PHF21A: variants seen among roughly 807,000 people sequenced by gnomAD.
PHF21A encodes BHC80a.
A neutral mutation model predicts 82.5 loss-of-function variants in PHF21A; 11 were observed. That is an observed-to-expected ratio of 0.13 (90% confidence interval 0.08 to 0.22). PHF21A has a LOEUF of 0.22. Ranked by LOEUF, PHF21A falls within the 10% of genes least tolerant of loss-of-function variation. The pLI is 1.00. For missense variants in PHF21A, 579 were observed against 837.8 expected (o/e 0.69, Z 3.81); for synonymous variants, 297 against 302.8 (o/e 0.98, Z 0.20).
rs1052047576 is a variant in PHF21A, at chr11:45,932,707, T to C, written c.*1261A>G. 1 of 152,602 alleles carries C rather than the reference T, an allele frequency of 6.6e-6. No homozygotes were observed. The highest frequency in any genetic ancestry group is 2.4e-5 in the African/African-American group (1 of 41,438). The allele number at this position is 152,602 out of a possible 1,614,324, so 9.5% of individuals were successfully genotyped here. On this transcript the variant is annotated 3_prime_UTR_variant, in exon 19 of 19. Transcript: ENST00000676320. This position sits in a 1 kb window ranked among gnomAD's most constrained non-coding sequence, Gnocchi z 4.3. Reference sequence around the variant, plus strand: ...CCTCAATATCTTTTATTTTCCTTTTTAATTTAAAAAAAAGTTTTTTTTCCC... The same window carrying C: ...CCTCAATATCTTTTATTTTCCTTTTCAATTTAAAAAAAAGTTTTTTTTCCC...
At chr11:46,073,314 C>T (rs919066801) in intron 6 of PHF21A, among the ~76,000 whole-genome samples, 3 of 148,014 alleles carry the variant, frequency 2.0e-5, no homozygotes, top group African/African-American at 5.0e-5. Flanking sequence ...GGCAACAAAG[C>T]GAGACCCCGT....
rs377373121 is a variant in PHF21A at position 46,018,025 on chromosome 11, C to T, written c.154-38059G>A. Among the ~76,000 whole-genome samples the T allele has an allele frequency of 8.6e-5, 13 of 151,920 alleles. No homozygotes were observed. The East Asian group carries it at 2.5e-3, about 29-fold the overall frequency. ...CAGCACTTTGGGAGGCCGAGGCGGGCGGATCACGAGGTCAGGAGATCGAGA... is the reference window on the plus strand; with the variant it reads ...CAGCACTTTGGGAGGCCGAGGCGGGTGGATCACGAGGTCAGGAGATCGAGA... On this transcript the variant is annotated intron_variant, in intron 6 of 18. Transcript: ENST00000676320.
intron 6 of PHF21A, among the ~76,000 whole-genome samples, chr11:46,006,794 T>C (rs1486077322): frequency 6.6e-6 from 1 of 152,228 alleles, no homozygotes; most frequent in Admixed American, 6.5e-5. Context: ...CACAAAAATA[T>C]TTTAAGACCA....
intron 6 of PHF21A, among the ~76,000 whole-genome samples, chr11:46,004,091 A>C (rs949028627): frequency 3.3e-5 from 5 of 152,228 alleles, no homozygotes; most frequent in African/African-American, 1.2e-4. Context: ...GTCACAAAGT[A>C]GAAAATTAAA....
chr11:46,030,730 A>G (rs1226328044), intron 6 of PHF21A, among the ~76,000 whole-genome samples: 1 of 151,956 alleles, frequency 6.6e-6, no homozygotes, highest in Admixed American at 6.6e-5. Flanking sequence ...TTATGTTCCC[A>G]TTCAACTATA....
At chr11:46,001,134 TG>T (rs2095112526) in intron 6 of PHF21A, among the ~76,000 whole-genome samples, 1 of 151,904 alleles carries the variant, frequency 6.6e-6, no homozygotes, top group Non-Finnish European at 1.5e-5. Context: ...AATAATTCAC[TG>T]GAACTTACTA....
Position 46,081,609 on chromosome 11 carries a change from C to T in PHF21A, c.55-2443G>A, listed in dbSNP as rs569217039. 2.6e-4 allele frequency among the ~76,000 whole-genome samples: 40 copies of T among 152,308 alleles called. 1 individual carries two copies. The highest frequency in any genetic ancestry group is 1.0e-3 in the South Asian group (5 of 4,822). On this transcript the variant is annotated intron_variant, in intron 4 of 18. Transcript: ENST00000676320. ...TCAGACAATCAGGGGTAGGACAGGA[C>T]GAGCTGGCCAACTTACTGGACCATC...
chr11:45,996,174 C>T (rs2136853568), intron 6 of PHF21A, among the ~76,000 whole-genome samples: 1 of 152,240 alleles, frequency 6.6e-6, no homozygotes, highest in South Asian at 2.1e-4. Flanking sequence ...AAACCCCCGG[C>T]TTCAAGTCAC....
At chr11:45,934,418 G>A in intron 18 of PHF21A, 193 bp from the exon 19 acceptor site, 3 of 564,868 alleles carry the variant, frequency 5.3e-6, no homozygotes, top group South Asian at 4.6e-5. Flanking sequence ...GGTGGAGTGG[G>A]TAGGCTGGGG....
chr11:46,002,479 C>T (rs1384166307), intron 6 of PHF21A, among the ~76,000 whole-genome samples: 1 of 152,052 alleles, frequency 6.6e-6, no homozygotes. Flanking sequence ...TATTTGAGAA[C>T]CACCCTCAGC....
chr11:46,049,341 T>C, intron 6 of PHF21A: 2 of 421,686 alleles, frequency 4.7e-6, no homozygotes, highest in South Asian at 3.4e-5. Flanking sequence ...GTTATGAAAT[T>C]TCTTATGCCC....
chr11:46,000,704 G>A (rs1225854231), intron 6 of PHF21A, among the ~76,000 whole-genome samples: 1 of 152,108 alleles, frequency 6.6e-6, no homozygotes, highest in Non-Finnish European at 1.5e-5. Flanking sequence ...CAGATCACCT[G>A]AGGTTTGGAG....
chr11:46,005,063 A>T (rs1374732338), intron 6 of PHF21A, among the ~76,000 whole-genome samples: 1 of 152,202 alleles, frequency 6.6e-6, no homozygotes, highest in Admixed American at 6.5e-5. Context: ...CTAATACAGC[A>T]GTCCCCCACA....
chr11:46,007,927 GT>G (rs1269112799), intron 6 of PHF21A, among the ~76,000 whole-genome samples: 1 of 152,142 alleles, frequency 6.6e-6, no homozygotes, highest in African/African-American at 2.4e-5. Flanking sequence ...GTGTTGTTAT[GT>G]TATTTTCATT....
chr11:46,015,964 G>T (rs1384509657), intron 6 of PHF21A, among the ~76,000 whole-genome samples: 1 of 151,942 alleles, frequency 6.6e-6, no homozygotes, highest in Non-Finnish European at 1.5e-5. Flanking sequence ...TTAAAGTAGT[G>T]ATAAAAAGTA....
chr11:45,952,261 A>G (rs1447805021), intron 11 of PHF21A, among the ~76,000 whole-genome samples: 1 of 152,174 alleles, frequency 6.6e-6, no homozygotes, highest in East Asian at 1.9e-4. Flanking sequence ...TTGCTTGCCC[A>G]CACTGGGTCT....
At chr11:45,972,890 T>G (rs540368399) in intron 7 of PHF21A, among the ~76,000 whole-genome samples, 69 of 149,098 alleles carry the variant, frequency 4.6e-4, no homozygotes, top group African/African-American at 1.6e-3. Flanking sequence ...CTCAGCCTGG[T>G]GAGAGAGCGA....
chr11:46,004,459 G>T (rs534963045), intron 6 of PHF21A, among the ~76,000 whole-genome samples: 1 of 152,160 alleles, frequency 6.6e-6, no homozygotes, highest in South Asian at 2.1e-4. Context: ...GGGTAGAGGA[G>T]AGAAGGAAGT....
At chr11:45,953,788 G>A (rs939525259) in intron 10 of PHF21A, among the ~76,000 whole-genome samples, 163 bp from the exon 11 acceptor site, 1 of 152,116 alleles carries the variant, frequency 6.6e-6, no homozygotes, top group African/African-American at 2.4e-5. Flanking sequence ...TGGGGGAGGG[G>A]AAACTAAAAT....
Sources: gnomAD v4.1 joint callset for allele counts (sites outside exome capture counted in the v4.1 genomes callset) on GRCh38, gnomAD v4.1.1 for gene constraint, Gnocchi (gnomAD v3.1) non-coding constraint, MANE v1.5 for transcripts, NCBI Gene and HGNC (gene_info 2026-07-23, HGNC 2026-07-21) for gene names.